The following TRPC6 variants were observed in gnomAD, a reference collection of about 807,000 sequenced individuals.
TRPC6 encodes the protein short transient receptor potential channel 6.
In TRPC6, 55 loss-of-function variants were observed where a neutral mutation model predicts 90.7. The ratio of observed to expected loss-of-function variants is 0.61; its 90% CI spans 0.49 to 0.76. TRPC6 has a LOEUF of 0.76. Among genes scored for constraint, TRPC6 ranks in the 30% least tolerant of loss-of-function variants. The probability of loss-of-function intolerance (pLI) is 0.00; values close to 1 mark genes in which losing one functional copy is unlikely to be tolerated. For synonymous variants in TRPC6, 393 were observed against 393.0 expected, an observed-to-expected ratio of 1.00 and a Z score of 0.00; for missense variants, 989 against 1,122.7, an observed-to-expected ratio of 0.88 and a Z score of 1.70.
intron 4 of TRPC6, among the ~76,000 whole-genome samples, chr11:101,486,228 T>C (rs555620587): frequency 1.3e-5 from 2 of 152,238 alleles, no homozygotes; most frequent in South Asian, 4.1e-4. Context: ...CTGAGGGAGA[T>C]TTTGGCATCT....
At chr11:101,534,694 G>A (rs545563309) in intron 1 of TRPC6, among the ~76,000 whole-genome samples, 1 of 152,202 alleles carries the variant, frequency 6.6e-6, no homozygotes, top group African/African-American at 2.4e-5. Flanking sequence ...TTTAGAAGTA[G>A]TGGTTCATTT....
intron 3 of TRPC6, among the ~76,000 whole-genome samples, chr11:101,490,605 G>A (rs556531766): frequency 8.8e-4 from 134 of 152,170 alleles, no homozygotes; most frequent in African/African-American, 3.1e-3. Context: ...ACAGGTGCAC[G>A]CCACCATACC....
chr11:101,547,610 A>G (rs904149084), intron 1 of TRPC6, among the ~76,000 whole-genome samples: 1 of 152,186 alleles, frequency 6.6e-6, no homozygotes, highest in African/African-American at 2.4e-5. Context: ...TCTGTTATGA[A>G]TATTTCTTCC....
chr11:101,501,100 CAT>C, intron 2 of TRPC6, among the ~76,000 whole-genome samples: 1 of 151,538 alleles, frequency 6.6e-6, no homozygotes, highest in African/African-American at 2.4e-5. Context: ...TACATACATA[CAT>C]ACATACATAC....
At chr11:101,534,827 G>A (rs1241330690) in intron 1 of TRPC6, among the ~76,000 whole-genome samples, 5 of 152,036 alleles carry the variant, frequency 3.3e-5, no homozygotes, top group African/African-American at 4.8e-5. Context: ...TATCAGAAAC[G>A]TATATGGTTC....
rs889879089 is a variant in TRPC6, at chr11:101,502,905, G to A, written c.945+1119C>T. Among the ~76,000 whole-genome samples, 6 of 152,228 alleles carry A rather than the reference G, an allele frequency of 3.9e-5. No homozygotes were observed. In the South Asian group the frequency reaches 1.2e-3, roughly 32 times the overall value. ...GACAGTGGCACCAAGAAGCTGCCCA[G>A]GAAAGACTGGGCTGTAATCCCTCAA... is the stretch of plus-strand genomic sequence containing the variant. On this transcript the variant is annotated intron_variant, in intron 2 of 12. Coordinates refer to ENST00000344327, the MANE Select transcript of TRPC6 (RefSeq NM_004621.6).
rs202114385 is a variant in TRPC6 at position 101,451,957 on chromosome 11, A to G, written c.*998T>C. On this transcript the variant is annotated 3_prime_UTR_variant, in exon 13 of 13. Transcript: ENST00000344327. ...GCACATGAATGCAAATTCCTGTTTT[A>G]TATATTTGGGTAGAAGGATAGAACA... The G allele has an allele frequency of 6.6e-6, 1 of 152,216 alleles. No homozygotes were observed. The highest frequency in any genetic ancestry group is 1.5e-5 in the Non-Finnish European group (1 of 68,032). The allele number at this position is 152,216 out of a possible 1,614,324, so 9.4% of individuals were successfully genotyped here.
chr11:101,510,451 C>T (rs968923501), intron 1 of TRPC6, among the ~76,000 whole-genome samples: 5 of 152,248 alleles, frequency 3.3e-5, no homozygotes, highest in African/African-American at 1.2e-4. Flanking sequence ...AGCTAAAGGG[C>T]ACACTTTTCA....
chr11:101,580,217 A>G (rs1862163906), intron 1 of TRPC6, among the ~76,000 whole-genome samples: 1 of 152,142 alleles, frequency 6.6e-6, no homozygotes, highest in Admixed American at 6.5e-5. Context: ...GAAATGCTTA[A>G]CTTTTTTAAA....
intron 2 of TRPC6, among the ~76,000 whole-genome samples, chr11:101,495,625 A>G (rs1038805922): frequency 1.4e-5 from 2 of 147,146 alleles, no homozygotes; most frequent in Non-Finnish European, 3.0e-5. Context: ...TATTATTATT[A>G]TTATTATTAT....
At chr11:101,472,570 G>A (rs1235791118) in intron 7 of TRPC6, among the ~76,000 whole-genome samples, 1 of 151,994 alleles carries the variant, frequency 6.6e-6, no homozygotes, top group Non-Finnish European at 1.5e-5. Flanking sequence ...AAATACATAA[G>A]CACTCAATAA....
At chr11:101,475,261 T>C (rs1437995469) in intron 6 of TRPC6, among the ~76,000 whole-genome samples, 1 of 152,204 alleles carries the variant, frequency 6.6e-6, no homozygotes, top group Non-Finnish European at 1.5e-5. Context: ...TTTCAAATAC[T>C]TTTTATATAT....
chr11:101,465,119 ACT>A (rs1859110932), intron 10 of TRPC6, among the ~76,000 whole-genome samples: 1 of 151,874 alleles, frequency 6.6e-6, no homozygotes, highest in Non-Finnish European at 1.5e-5. Flanking sequence ...ATTGGTCCCC[ACT>A]CTCTTCTGGC....
chr11:101,489,782 A>T (rs1859762203), intron 3 of TRPC6, among the ~76,000 whole-genome samples: 3 of 152,054 alleles, frequency 2.0e-5, no homozygotes, highest in Non-Finnish European at 4.4e-5. Flanking sequence ...TTTAATATTA[A>T]TATTAAAATA....
chr11:101,465,565 T>C (rs1407006122), intron 10 of TRPC6, among the ~76,000 whole-genome samples: 1 of 152,202 alleles, frequency 6.6e-6, no homozygotes, highest in Admixed American at 6.5e-5. Flanking sequence ...ATCCTTTCTT[T>C]GGCTTGTTCG....
At chr11:101,516,003 C>T (rs1860509688) in intron 1 of TRPC6, among the ~76,000 whole-genome samples, 1 of 151,150 alleles carries the variant, frequency 6.6e-6, no homozygotes, top group South Asian at 2.1e-4. Context: ...TGTTATTTCA[C>T]TACATGAGGA....
chr11:101,549,494 T>C (rs1436321773), intron 1 of TRPC6, among the ~76,000 whole-genome samples: 9 of 151,762 alleles, frequency 5.9e-5, no homozygotes, highest in South Asian at 4.2e-4. Flanking sequence ...TACTGGTAGT[T>C]ACCAACTTTG....
intron 2 of TRPC6, among the ~76,000 whole-genome samples, chr11:101,493,942 G>C (rs1859885518): frequency 6.6e-6 from 1 of 152,168 alleles, no homozygotes; most frequent in African/African-American, 2.4e-5. Flanking sequence ...AACTATTAAA[G>C]AGGCTACAAT....
intron 10 of TRPC6, among the ~76,000 whole-genome samples, chr11:101,455,996 CAA>C (rs1858874954): frequency 6.6e-6 from 1 of 151,982 alleles, no homozygotes; most frequent in Admixed American, 6.6e-5. Context: ...TAATAATAAA[CAA>C]TATATAAATT....
Sources: allele counts gnomAD v4.1 joint callset (sites outside exome capture counted in the v4.1 genomes callset), GRCh38; gene constraint gnomAD v4.1.1; transcripts MANE v1.5; gene names NCBI Gene and HGNC (gene_info 2026-07-23, HGNC 2026-07-21).